The following NAMPT variants were observed in gnomAD, a reference collection of about 807,000 sequenced individuals.
The protein encoded by NAMPT is nicotinamide phosphoribosyltransferase, also known as NAmPRTase.
Under a neutral mutation model 58.7 loss-of-function variants are expected in NAMPT, and 7 were observed. The observed-to-expected ratio is 0.12, with a 90% confidence interval of 0.07 to 0.22. The LOEUF (loss-of-function observed/expected upper bound fraction) is 0.22. Ranked by LOEUF, NAMPT falls within the 10% of genes least tolerant of loss-of-function variation. The probability of loss-of-function intolerance (pLI) is 1.00; values close to 1 mark genes in which losing one functional copy is unlikely to be tolerated. For missense variants in NAMPT, 271 were observed against 567.9 expected, an observed-to-expected ratio of 0.48 and a Z score of 5.31; for synonymous variants, 145 against 198.1, an observed-to-expected ratio of 0.73 and a Z score of 2.25.
At chr7:106,268,399 T>C (rs947114072) in intron 6 of NAMPT, 65 bp downstream of exon 6, 1 of 1,490,158 alleles carries the variant, frequency 6.7e-7, no homozygotes, top group Non-Finnish European at 9.1e-7. Context: ...AGGTAAAATG[T>C]CACTGAGTTA....
intron 2 of NAMPT, 77 bp from the exon 3 acceptor site, chr7:106,275,126 T>A (rs1792607457): frequency 1.1e-6 from 1 of 873,542 alleles, no homozygotes; most frequent in African/African-American, 1.7e-5. Flanking sequence ...AGACTTAATA[T>A]CTTTGGCTAT....
intron 6 of NAMPT, among the ~76,000 whole-genome samples, chr7:106,267,051 C>G (rs1430119370): frequency 6.6e-6 from 1 of 152,110 alleles, no homozygotes; most frequent in Non-Finnish European, 1.5e-5. Flanking sequence ...ATGCTTGATA[C>G]AAGATAAGCA....
chr7:106,259,577 G>A (rs556873355), intron 8 of NAMPT, among the ~76,000 whole-genome samples: 91 of 151,942 alleles, frequency 6.0e-4, no homozygotes, highest in African/African-American at 2.1e-3. Flanking sequence ...GGCATGCATT[G>A]CCCCACCCAG....
At chr7:106,253,275 C>T (rs1029146356) in intron 9 of NAMPT, 124 bp from the exon 10 acceptor site, 2 of 942,834 alleles carry the variant, frequency 2.1e-6, no homozygotes, top group Non-Finnish European at 3.1e-6. Flanking sequence ...ATAGGTATAA[C>T]TGAACCAATC....
At chr7:106,283,297 T>G (rs1442523658) in intron 1 of NAMPT, among the ~76,000 whole-genome samples, 4 of 152,254 alleles carry the variant, frequency 2.6e-5, no homozygotes, top group African/African-American at 9.6e-5. Flanking sequence ...CTATTCTAAC[T>G]AAAAGCACCC....
chr7:106,253,072 G>A lies in NAMPT; in HGVS notation c.1310C>T (p.Ala437Val), dbSNP rs1489936772. 1.9e-6 allele frequency: 3 copies of A among 1,613,310 alleles called. No homozygotes were observed. The African/African-American group carries it at 4.0e-5, about 22-fold the overall frequency. Reference sequence around the variant, plus strand: ...TTCCTCCAGTGTAACAAAATTCCCTGCTGGCGTCCTATGTAAAGATAATCG... The same window carrying A: ...TTCCTCCAGTGTAACAAAATTCCCTACTGGCGTCCTATGTAAAGATAATCG... ...KGRLSLHRTPAGNFVTLEEGK... is the reference protein window; with the variant it reads ...KGRLSLHRTPVGNFVTLEEGK... Residue 437 changes from alanine to valine, a missense_variant, in exon 10 of 11, where the codon GCA (alanine) becomes GTA (valine). Physicochemically the swap from Ala to Val is moderately conservative, Grantham distance 64 (BLOSUM62 0). Transcript: ENST00000222553.
At chr7:106,269,334 C>A (rs760214986) in intron 4 of NAMPT, 22 bp from the exon 5 acceptor site, 10 of 1,578,152 alleles carry the variant, frequency 6.3e-6, no homozygotes, top group East Asian at 2.3e-5. Flanking sequence ...AAATTAACCA[C>A]AAATATTAAG....
chr7:106,275,013 T>C lies in NAMPT; in HGVS notation c.251A>G (p.Lys84Arg), dbSNP rs1361672762. 2 of 1,612,512 alleles carry C rather than the reference T, an allele frequency of 1.2e-6. No homozygotes were observed. Among genetic ancestry groups the C allele is most frequent in the South Asian group, 1.1e-5 (1 of 91,038 alleles). The change falls in exon 3 of 11, where the codon AAA (lysine) becomes AGA (arginine). Residue 84 changes from lysine (K) to arginine (R), a missense_variant. By Grantham distance (26) the Lys-to-Arg change is conservative. This residue lies in a region of NAMPT where 103 missense variants were observed against 194.2 expected (regional missense o/e 0.53). Coordinates refer to ENST00000222553, the MANE Select transcript of NAMPT (RefSeq NM_005746.3). The stretch of plus-strand genomic sequence containing the variant: ...TTGGAAATGTTCTTTGTAGACATCT[T>C]TGGCTTCCTGGATTTTCTCTTTGGT... The part of the protein sequence containing the change: ...VVTKEKIQEA[K>R]DVYKEHFQDD...
intron 6 of NAMPT, chr7:106,268,215 A>G (rs1792466341): frequency 3.4e-6 from 1 of 292,502 alleles, no homozygotes; most frequent in Non-Finnish European, 6.3e-6. Context: ...AAATTCCTTA[A>G]AAGAAAACTT....
At position 106,272,514 on chromosome 7, in the gene NAMPT, T is replaced by TA; in HGVS notation, c.447+15dup. 7 of 1,598,160 alleles carry TA rather than the reference T, an allele frequency of 4.4e-6. No homozygotes were observed. Among genetic ancestry groups the TA allele is most frequent in the East Asian group, 4.5e-5 (2 of 44,636 alleles). ...TATTCAATTAATGTTAAATAAGAATTAAAAAAACAATTTACCTCAATCCAA... is the reference window on the plus strand; with the variant it reads ...TATTCAATTAATGTTAAATAAGAATTAAAAAAAACAATTTACCTCAATCCAA... On this transcript the variant is annotated intron_variant, in intron 4 of 10. Transcript: ENST00000222553.
At chr7:106,268,701 C>A in intron 5 of NAMPT, 101 bp from the exon 6 acceptor site, 1 of 792,192 alleles carries the variant, frequency 1.3e-6, no homozygotes, top group South Asian at 1.6e-5. Flanking sequence ...GCATAGCTCC[C>A]ATAAGAATTG....
At chr7:106,262,189 A>G (rs923145004) in intron 7 of NAMPT, among the ~76,000 whole-genome samples, 15 of 152,156 alleles carry the variant, frequency 9.9e-5, no homozygotes, top group Non-Finnish European at 1.9e-4. Flanking sequence ...AGGCAGACAC[A>G]GCATCTAGAA....
rs192305626 is a variant in NAMPT, at chr7:106,261,821, T to C, written c.970-114A>G. The C allele has an allele frequency of 2.5e-5, 28 of 1,115,520 alleles. No homozygotes were observed. The Admixed American group carries it at 3.1e-4, about 12-fold the overall frequency. 69.1% of individuals were successfully genotyped at this position (1,115,520 alleles called of 1,614,324 possible). On this transcript the variant is annotated intron_variant, in intron 7 of 10. Coordinates refer to ENST00000222553, the MANE Select transcript of NAMPT (RefSeq NM_005746.3). ...AATCGAGAATATAAAAATTAACTACTTTAAAAATTTTATAACACTATGTAT... is the reference window on the plus strand; with the variant it reads ...AATCGAGAATATAAAAATTAACTACCTTAAAAATTTTATAACACTATGTAT...
upstream of NAMPT, chr7:106,285,616 G>A (rs996636918): frequency 1.0e-6 from 1 of 985,774 alleles, no homozygotes; most frequent in Non-Finnish European, 1.2e-6. Context: ...TCCTGACCCT[G>A]TCTTTAAGAT....
intron 4 of NAMPT, among the ~76,000 whole-genome samples, chr7:106,271,684 T>TG (rs1792537350): frequency 6.6e-6 from 1 of 152,196 alleles, no homozygotes; most frequent in Admixed American, 6.5e-5. Flanking sequence ...AACACCCTCT[T>TG]GGACCTCTTA....
Position 106,272,620 on chromosome 7 carries a change from A to C in NAMPT, c.357T>G (p.Val119=). Residue 119 remains valine, a synonymous_variant, in exon 4 of 11, where the codon GTT becomes GTG. Transcript: ENST00000222553. ...DGHLPIEIKA[V]PEGFVIPRGN... is the part of the protein sequence containing the mutation. ...CTCTGGGAATGACAAAGCCCTCAGG[A>C]ACAGCTTTTATTTCTATTGGAAGAT... 1 of 1,613,378 alleles carries C rather than the reference A, an allele frequency of 6.2e-7. No homozygotes were observed. Among genetic ancestry groups the C allele is most frequent in the South Asian group, 1.1e-5 (1 of 91,052 alleles).
intron 1 of NAMPT, among the ~76,000 whole-genome samples, chr7:106,279,167 C>A (rs1792707950): frequency 6.6e-6 from 1 of 152,150 alleles, no homozygotes; most frequent in Non-Finnish European, 1.5e-5. Context: ...ACTTTAAAAA[C>A]CTACCTTTAC....
At chr7:106,265,524 A>T (rs1268011801) in intron 6 of NAMPT, among the ~76,000 whole-genome samples, 1 of 147,836 alleles carries the variant, frequency 6.8e-6, no homozygotes, top group East Asian at 2.0e-4. Context: ...TGACTTAGGC[A>T]CTTGTCTTCT....
intron 4 of NAMPT, among the ~76,000 whole-genome samples, chr7:106,271,284 G>A (rs1357533595): frequency 2.6e-5 from 4 of 152,080 alleles, no homozygotes; most frequent in Non-Finnish European, 5.9e-5. Context: ...AGAACACTGT[G>A]CCATTTCTTC....
Sources: gnomAD v4.1 joint callset for allele counts (sites outside exome capture counted in the v4.1 genomes callset) on GRCh38, gnomAD v4.1.1 for gene constraint, gnomAD v4.1.1 regional missense constraint, MANE v1.5 for transcripts, NCBI Gene and HGNC (gene_info 2026-07-23, HGNC 2026-07-21) for gene names.